Variants in PHTF2 observed in about 807,000 individuals in gnomAD.
The protein encoded by PHTF2 is protein PHTF2.
A neutral mutation model predicts 101.2 loss-of-function variants in PHTF2; 60 were observed. The ratio of observed to expected loss-of-function variants is 0.59; its 90% CI spans 0.48 to 0.73. The LOEUF (loss-of-function observed/expected upper bound fraction) is 0.73. Among genes scored for constraint, PHTF2 ranks in the 30% least tolerant of loss-of-function variants. The pLI, the probability that PHTF2 is intolerant of heterozygous loss-of-function variation, is 0.00. For missense variants in PHTF2, 747 were observed against 908.7 expected (o/e 0.82, Z 2.29); for synonymous variants, 311 against 307.3 (o/e 1.01, Z -0.13).
intron 18 of PHTF2, among the ~76,000 whole-genome samples, chr7:77,953,322 T>G (rs1806715357): frequency 6.6e-6 from 1 of 152,204 alleles, no homozygotes. Flanking sequence ...TGATAGAACT[T>G]TAAATGTTTG....
At chr7:77,909,792 T>A (rs1400284247) in intron 8 of PHTF2, 1 of 153,802 alleles carries the variant, frequency 6.5e-6, no homozygotes, top group East Asian at 1.9e-4. Context: ...CTTTTGAATA[T>A]CATTGCTAAG....
At chr7:77,931,347 C>G (rs1292634401) in intron 12 of PHTF2, among the ~76,000 whole-genome samples, 1 of 152,166 alleles carries the variant, frequency 6.6e-6, no homozygotes, top group African/African-American at 2.4e-5. Context: ...AATACATTAA[C>G]TATCACAGTG....
chr7:77,907,459 T>A (rs528290824), intron 7 of PHTF2, among the ~76,000 whole-genome samples: 4 of 152,310 alleles, frequency 2.6e-5, no homozygotes, highest in African/African-American at 7.2e-5. Flanking sequence ...TGGTCGTTAA[T>A]TTTACTGTTT....
chr7:77,838,272 T>C (rs892751387), intron 1 of PHTF2, among the ~76,000 whole-genome samples: 1 of 152,144 alleles, frequency 6.6e-6, no homozygotes, highest in African/African-American at 2.4e-5. Flanking sequence ...AGGGAAAGCT[T>C]CCTCAAAAAA....
At chr7:77,920,422 A>C (rs1436502429) in exon 10 of PHTF2, 1 of 1,613,692 alleles carries the variant, frequency 6.2e-7, no homozygotes, top group Non-Finnish European at 8.5e-7. Context: ...CGACCAGAAG[A>C]GACAGCCTGG....
Position 77,933,304 on chromosome 7 carries a change from T to C in PHTF2, c.1338+3977T>C, listed in dbSNP as rs573235645. 7.9e-5 allele frequency among the ~76,000 whole-genome samples: 12 copies of C among 152,234 alleles called. No homozygotes were observed. The South Asian group carries it at 2.5e-3, about 32-fold the overall frequency. On this transcript the variant is annotated intron_variant, in intron 12 of 19. Coordinates refer to ENST00000416283, the Ensembl canonical transcript of PHTF2. ...CTTCAAGGGACAGGAGAGGGGATGATTGAAATGGTGGATCTGGTGGCAGTC... is the reference window on the plus strand; with the variant it reads ...CTTCAAGGGACAGGAGAGGGGATGACTGAAATGGTGGATCTGGTGGCAGTC...
At chr7:77,805,186 T>A (rs1350924353) in intron 1 of PHTF2, among the ~76,000 whole-genome samples, 2 of 152,222 alleles carry the variant, frequency 1.3e-5, no homozygotes, top group Non-Finnish European at 2.9e-5. Flanking sequence ...AATGTAAAGT[T>A]GTTAAATTCA....
rs1214945595 is a variant in PHTF2 at position 77,929,152 on chromosome 7, G to A, written c.1163G>A (p.Ser388Asn). The A allele has an allele frequency of 6.2e-7, 1 of 1,613,966 alleles. No individual in the cohort carries two copies. The highest frequency in any genetic ancestry group is 2.2e-5 in the East Asian group (1 of 44,870). The change falls in exon 12 of 20, where the codon AGT (serine) becomes AAT (asparagine). Residue 388 changes from serine to asparagine, a missense_variant. Ser to Asn is a conservative substitution (Grantham distance 46). Transcript: ENST00000416283. ...ACTAGTTGCAGCTCTCGCTGTTCAA[G>A]TTCCAGACAGGATTCTGAGAGTGCA...
At chr7:77,907,743 C>T (rs1241682441) in intron 7 of PHTF2, 1 of 152,014 alleles carries the variant, frequency 6.6e-6, no homozygotes, top group African/African-American at 2.4e-5. Context: ...GACATTTTAC[C>T]CCTGAATACA....
intron 1 of PHTF2, among the ~76,000 whole-genome samples, chr7:77,832,418 T>G (rs2150554773): frequency 6.6e-6 from 1 of 152,296 alleles, no homozygotes; most frequent in East Asian, 1.9e-4. Flanking sequence ...AAGCTGTTTG[T>G]GAATAAGCCA....
intron 5 of PHTF2, among the ~76,000 whole-genome samples, chr7:77,898,079 C>G (rs1801042936): frequency 6.6e-6 from 1 of 150,778 alleles, no homozygotes; most frequent in Non-Finnish European, 1.5e-5. Context: ...GGGTGTGGCT[C>G]TACAATATAG....
At chr7:77,939,776 T>G (rs1805486611) in intron 13 of PHTF2, among the ~76,000 whole-genome samples, 1 of 152,098 alleles carries the variant, frequency 6.6e-6, no homozygotes, top group African/African-American at 2.4e-5. Flanking sequence ...ATACATAAAT[T>G]TTTTTCAAGA....
chr7:77,907,626 T>C (rs2150857175), intron 7 of PHTF2, among the ~76,000 whole-genome samples: 1 of 152,326 alleles, frequency 6.6e-6, no homozygotes, highest in African/African-American at 2.4e-5. Context: ...GTTTAGATGG[T>C]AAATTACATG....
chr7:77,814,410 C>A (rs746092082), intron 1 of PHTF2, among the ~76,000 whole-genome samples: 4 of 152,062 alleles, frequency 2.6e-5, no homozygotes, highest in Non-Finnish European at 4.4e-5. Flanking sequence ...TAATTCATGT[C>A]TGAATGAAAC....
At chr7:77,893,221 GTTT>G (rs1283939304) in intron 3 of PHTF2, among the ~76,000 whole-genome samples, 1 of 152,064 alleles carries the variant, frequency 6.6e-6, no homozygotes. Flanking sequence ...GTACCTGATA[GTTT>G]TTTGTTTTTT....
chr7:77,836,568 A>G (rs1322862684), intron 1 of PHTF2, among the ~76,000 whole-genome samples: 1 of 152,202 alleles, frequency 6.6e-6, no homozygotes, highest in Admixed American at 6.5e-5. Context: ...AAGGACTTGG[A>G]ACCAACCCAA....
intron 7 of PHTF2, among the ~76,000 whole-genome samples, chr7:77,905,773 C>T (rs1470235198): frequency 6.6e-6 from 1 of 151,888 alleles, no homozygotes; most frequent in Non-Finnish European, 1.5e-5. Flanking sequence ...GCTGGGATTA[C>T]AGGTGTGAGC....
intron 1 of PHTF2, among the ~76,000 whole-genome samples, chr7:77,804,801 TG>T: frequency 6.6e-6 from 1 of 152,332 alleles, no homozygotes; most frequent in East Asian, 1.9e-4. Flanking sequence ...AAACAACCAT[TG>T]GCACTTAGTT....
intron 6 of PHTF2, among the ~76,000 whole-genome samples, chr7:77,901,252 C>T (rs1048630975): frequency 6.6e-6 from 1 of 152,206 alleles, no homozygotes; most frequent in African/African-American, 2.4e-5. Flanking sequence ...CAAACTATAT[C>T]AGATATCTAT....
Sources: allele counts gnomAD v4.1 joint callset (sites outside exome capture counted in the v4.1 genomes callset), GRCh38; gene constraint gnomAD v4.1.1; transcripts MANE v1.5; gene names NCBI Gene and HGNC (gene_info 2026-07-23, HGNC 2026-07-21).